PDZRN3: variants seen among roughly 807,000 people sequenced by gnomAD.
PDZRN3 encodes the protein PDZ domain containing ring finger 3, also known as E3 ubiquitin-protein ligase PDZRN3.
Under a neutral mutation model 85.7 loss-of-function variants are expected in PDZRN3, and 38 were observed. That is an observed-to-expected ratio of 0.44 (90% CI 0.34 to 0.58). The LOEUF (loss-of-function observed/expected upper bound fraction) is 0.58. Ranked by LOEUF, PDZRN3 falls within the 20% of genes least tolerant of loss-of-function variation. PDZRN3 has a pLI of 0.01. For missense variants in PDZRN3, 1,629 were observed against 1,506.4 expected (o/e 1.08, Z -1.35); for synonymous variants, 759 against 638.0 (o/e 1.19, Z -2.86).
chr3:73,576,367 G>A (rs1559745509), intron 3 of PDZRN3, among the ~76,000 whole-genome samples: 1 of 152,166 alleles, frequency 6.6e-6, no homozygotes, highest in Non-Finnish European at 1.5e-5. Flanking sequence ...GAGTGAAACT[G>A]CATCCTCAAG....
intron 3 of PDZRN3, among the ~76,000 whole-genome samples, chr3:73,600,391 G>C (rs1016991076): frequency 7.0e-6 from 1 of 142,750 alleles, no homozygotes; most frequent in South Asian, 2.3e-4. Context: ...TATGCCTCCT[G>C]GTAATAAACT....
intron 3 of PDZRN3, among the ~76,000 whole-genome samples, chr3:73,572,742 AG>A (rs1226441079): frequency 1.4e-4 from 21 of 152,242 alleles, no homozygotes; most frequent in African/African-American, 5.1e-4. Flanking sequence ...AAGAGGGATG[AG>A]GCAGAGGGAG....
intron 3 of PDZRN3, among the ~76,000 whole-genome samples, chr3:73,544,059 A>T (rs552961315): frequency 8.5e-5 from 13 of 152,320 alleles, no homozygotes; most frequent in Admixed American, 2.0e-4. Flanking sequence ...CTAAAAATAC[A>T]AAAATCAGCT....
chr3:73,569,904 G>T (rs1239527554), intron 3 of PDZRN3, among the ~76,000 whole-genome samples: 1 of 152,198 alleles, frequency 6.6e-6, no homozygotes, highest in Non-Finnish European at 1.5e-5. Flanking sequence ...AGTCCTGCTT[G>T]CCCCCTCACA....
At chr3:73,588,953 G>C (rs371961497) in intron 3 of PDZRN3, among the ~76,000 whole-genome samples, 1 of 152,234 alleles carries the variant, frequency 6.6e-6, no homozygotes, top group East Asian at 1.9e-4. Flanking sequence ...CGATGAAGGG[G>C]GACTCTTTCC....
intron 3 of PDZRN3, among the ~76,000 whole-genome samples, chr3:73,546,518 T>C (rs562475496): frequency 2.6e-5 from 4 of 152,320 alleles, no homozygotes; most frequent in African/African-American, 7.2e-5. Flanking sequence ...GCCATGCCCA[T>C]TCATCAGTGA....
rs1485841760 is a variant in PDZRN3, at chr3:73,530,648, TTTTG to T, written c.918+71702_918+71705del. ...ATGAGAACAATGCAGATCAAATGTT[TTTTG>T]TTTATTTTTTAAAGTAAATTTAAAC... On this transcript the variant is annotated intron_variant, in intron 3 of 9. Transcript: ENST00000263666. 3.0e-4 allele frequency among the ~76,000 whole-genome samples: 41 copies of T among 138,468 alleles called. 1 individual carries two copies. The South Asian group carries it at 7.9e-3, about 27-fold the overall frequency. 90.8% of individuals were successfully genotyped at this position (138,468 alleles called of 152,430 possible).
At chr3:73,537,572 T>C (rs2106771171) in intron 3 of PDZRN3, among the ~76,000 whole-genome samples, 1 of 152,218 alleles carries the variant, frequency 6.6e-6, no homozygotes, top group East Asian at 1.9e-4. Flanking sequence ...TGGACAGTAC[T>C]AGTTAATGAA....
chr3:73,528,122 T>C (rs934545572), intron 3 of PDZRN3, among the ~76,000 whole-genome samples: 56 of 152,128 alleles, frequency 3.7e-4, no homozygotes, highest in African/African-American at 1.3e-3. Flanking sequence ...ACTAAAGAGA[T>C]TGAGGGCTGG....
chr3:73,461,483 T>C (rs749428452), intron 3 of PDZRN3, among the ~76,000 whole-genome samples: 12 of 152,216 alleles, frequency 7.9e-5, no homozygotes, highest in Non-Finnish European at 1.5e-4. Flanking sequence ...CTCATGAATG[T>C]ATTAGGTAAT....
rs549860604 is a variant in PDZRN3, at chr3:73,513,234, C to T, written c.918+89120G>A. Among the ~76,000 whole-genome samples, 3 of 152,342 alleles carry T rather than the reference C, an allele frequency of 2.0e-5. No individual in the cohort carries two copies. The East Asian group carries it at 5.8e-4, about 29-fold the overall frequency. On this transcript the variant is annotated intron_variant, in intron 3 of 9. Transcript: ENST00000263666. Reference sequence around the variant, plus strand: ...TCCAAAGATTGCTACGAGTGAGCTGCTGTTCATAGTCATCGTCTTCTTTTT... The same window carrying T: ...TCCAAAGATTGCTACGAGTGAGCTGTTGTTCATAGTCATCGTCTTCTTTTT...
rs1216962942 is a variant in PDZRN3 at position 73,394,542 on chromosome 3, T to C, written c.1255-3426A>G. On this transcript the variant is annotated intron_variant, in intron 5 of 9. Transcript: ENST00000263666. ...GTGGTCTGTGTTATCAAAGGATGAG[T>C]GATATTGGATGAACAAATGCTGGTG... Among the ~76,000 whole-genome samples the C allele has an allele frequency of 2.6e-5, 4 of 152,072 alleles. No individual in the cohort carries two copies. In the East Asian group the frequency reaches 7.7e-4, roughly 29 times the overall value.
intron 3 of PDZRN3, among the ~76,000 whole-genome samples, chr3:73,570,401 A>G (rs1360573209): frequency 6.6e-6 from 1 of 152,204 alleles, no homozygotes; most frequent in African/African-American, 2.4e-5. Context: ...GTACTGGCCA[A>G]AAAGTAAAGG....
At chr3:73,580,336 T>C (rs4440068) in intron 3 of PDZRN3, among the ~76,000 whole-genome samples, 86,479 of 152,036 alleles carry the variant, frequency 0.57, 24,699 homozygotes, top group Admixed American at 0.6. Flanking sequence ...CAGATCCTTA[T>C]GGGGTTCTGT....
At position 73,396,761 on chromosome 3, in the gene PDZRN3, C is replaced by T. The variant is rs559581488; in HGVS notation, c.1254+4161G>A. ...ACATAGGATGCTACTGATGAATCGC[C>T]TGGGAAATTAAAACAATAGACAAAA... On this transcript the variant is annotated intron_variant, in intron 5 of 9. Coordinates refer to ENST00000263666, the MANE Select transcript of PDZRN3 (RefSeq NM_015009.3). 3.3e-5 allele frequency among the ~76,000 whole-genome samples: 5 copies of T among 152,292 alleles called. No individual in the cohort carries two copies. The South Asian group carries it at 1.0e-3, about 32-fold the overall frequency.
chr3:73,584,617 T>C (rs1702252845), intron 3 of PDZRN3, among the ~76,000 whole-genome samples: 1 of 152,160 alleles, frequency 6.6e-6, no homozygotes, highest in African/African-American at 2.4e-5. Flanking sequence ...TTGTAACAGT[T>C]ATTTTGATTC....
rs184849042 is a variant in PDZRN3 at position 73,619,504 on chromosome 3, T to C, written c.723+4599A>G. Among the ~76,000 whole-genome samples, 4 of 152,292 alleles carry C rather than the reference T, an allele frequency of 2.6e-5. No homozygotes were observed. In the East Asian group the frequency reaches 7.7e-4, roughly 29 times the overall value. ...AATAGAAAGAACCATTGTCTAGTGATAAGCAAATCCTAAGTGCAGACAGAA... is the reference window on the plus strand; with the variant it reads ...AATAGAAAGAACCATTGTCTAGTGACAAGCAAATCCTAAGTGCAGACAGAA... On this transcript the variant is annotated intron_variant, in intron 1 of 9. Coordinates refer to ENST00000263666, the MANE Select transcript of PDZRN3 (RefSeq NM_015009.3).
At chr3:73,489,453 T>C (rs1703726875) in intron 3 of PDZRN3, among the ~76,000 whole-genome samples, 1 of 152,090 alleles carries the variant, frequency 6.6e-6, no homozygotes, top group African/African-American at 2.4e-5. Flanking sequence ...TCTTTCTCCA[T>C]TGTCTATCAC....
Position 73,505,759 on chromosome 3 carries a change from CTCT to C in PDZRN3, c.918+96592_918+96594del, listed in dbSNP as rs771862372. 6.6e-5 allele frequency among the ~76,000 whole-genome samples: 10 copies of C among 151,926 alleles called. No individual in the cohort carries two copies. The East Asian group carries it at 1.5e-3, about 24-fold the overall frequency. On this transcript the variant is annotated intron_variant, in intron 3 of 9. Transcript: ENST00000263666. The stretch of plus-strand genomic sequence containing the variant: ...CAGTTTATAGGTGATTTGATATGTC[CTCT>C]TGTTTTTTTAAAAAAAAACAGCACA...
Sources: allele counts gnomAD v4.1 joint callset (sites outside exome capture counted in the v4.1 genomes callset), GRCh38; gene constraint gnomAD v4.1.1; transcripts MANE v1.5; gene names NCBI Gene and HGNC (gene_info 2026-07-23, HGNC 2026-07-21).